The following RAB3IL1 variants were observed in gnomAD, a reference collection of about 807,000 sequenced individuals.
The protein encoded by RAB3IL1 is guanine nucleotide exchange factor for Rab-3A.
A neutral mutation model predicts 49.2 loss-of-function variants in RAB3IL1; 37 were observed. The observed-to-expected ratio is 0.75, with a 90% CI of 0.58 to 0.99. The LOEUF is 0.99. RAB3IL1 is among the 50% of genes least tolerant of loss of function. The pLI is 0.00. For missense variants in RAB3IL1, 484 were observed against 513.0 expected, an observed-to-expected ratio of 0.94 and a Z score of 0.55; for synonymous variants, 193 against 213.9, an observed-to-expected ratio of 0.90 and a Z score of 0.85.
At chr11:61,907,979 C>T in intron 2 of RAB3IL1, 75 bp downstream of exon 2, 1 of 1,533,618 alleles carries the variant, frequency 6.5e-7, no homozygotes, top group Non-Finnish European at 8.8e-7. Flanking sequence ...TCTCTGGGCA[C>T]CTGATGAGAG....
chr11:61,915,320 G>T (rs528867627), intron 1 of RAB3IL1, among the ~76,000 whole-genome samples: 1 of 152,206 alleles, frequency 6.6e-6, no homozygotes, highest in South Asian at 2.1e-4. Context: ...GTGGGGAGGG[G>T]TCCCTGCCCA....
chr11:61,927,931 G>A, the RAB3IL1 span, among the ~76,000 whole-genome samples: 2 of 152,140 alleles, frequency 1.3e-5, no homozygotes, highest in Non-Finnish European at 2.9e-5. Flanking sequence ...CCAGCGTTGA[G>A]TAGTTCTTAT....
the RAB3IL1 span, among the ~76,000 whole-genome samples, chr11:61,943,692 C>T: frequency 6.6e-6 from 1 of 152,134 alleles, no homozygotes; most frequent in East Asian, 1.9e-4. Context: ...GATAAACAAA[C>T]AGCCAATAAG....
chr11:61,902,852 C>G (rs1325891131), intron 7 of RAB3IL1, among the ~76,000 whole-genome samples: 1 of 152,106 alleles, frequency 6.6e-6, no homozygotes, highest in Non-Finnish European at 1.5e-5. Flanking sequence ...CTGCATATGC[C>G]TCTCCCTCTA....
chr11:61,923,954 C>G (rs1939955321), upstream of RAB3IL1, among the ~76,000 whole-genome samples: 1 of 152,190 alleles, frequency 6.6e-6, no homozygotes, highest in African/African-American at 2.4e-5. Flanking sequence ...AGGCCCAGGC[C>G]CCTCAGGGAA....
chr11:61,909,305 C>T (rs983862612), intron 1 of RAB3IL1, among the ~76,000 whole-genome samples: 1 of 152,052 alleles, frequency 6.6e-6, no homozygotes. Context: ...GGACTCAGGA[C>T]GGCTGAGGCA....
intron 8 of RAB3IL1, among the ~76,000 whole-genome samples, chr11:61,900,655 C>T (rs573787354): frequency 8.5e-5 from 13 of 152,264 alleles, no homozygotes; most frequent in African/African-American, 3.1e-4. Context: ...GGGGCTTTCC[C>T]TCTCCAGGGA....
the RAB3IL1 span, among the ~76,000 whole-genome samples, chr11:61,929,291 G>C: frequency 6.6e-6 from 1 of 152,078 alleles, no homozygotes; most frequent in Non-Finnish European, 1.5e-5. Flanking sequence ...GATCGCTTGA[G>C]CCCAGGAGTT....
the RAB3IL1 span, among the ~76,000 whole-genome samples, chr11:61,943,848 C>T: frequency 2.0e-5 from 3 of 152,078 alleles, no homozygotes; most frequent in Middle Eastern, 3.2e-3. Context: ...GTGAATTTTA[C>T]AGGACACGGA....
chr11:61,901,305 C>G (rs1440058844), intron 8 of RAB3IL1, among the ~76,000 whole-genome samples: 1 of 152,216 alleles, frequency 6.6e-6, no homozygotes, highest in Non-Finnish European at 1.5e-5. Context: ...TCCCTGTCCT[C>G]AATCCCCAGC....
rs781070983 is a variant in RAB3IL1 at position 61,899,350 on chromosome 11, T to C, written c.1030A>G (p.Ile344Val). 3.7e-6 allele frequency: 6 copies of C among 1,608,986 alleles called. No homozygotes were observed. The African/African-American group carries it at 4.0e-5, about 11-fold the overall frequency. Residue 344 changes from isoleucine to valine, a missense_variant, in exon 9 of 10, where the codon ATC becomes GTC. Transcript: ENST00000394836. ...ACCAGGCCTTGCTGGATGTAGCGGA[T>C]GTAGGTGAAGAAGTTGCACACTGCG... Reference protein sequence around the residue: ...ITAVCNFFTYIRYIQQGLVRQ... With the variant: ...ITAVCNFFTYVRYIQQGLVRQ...
At chr11:61,917,223 C>G in intron 1 of RAB3IL1, 134 bp downstream of exon 1, 1 of 1,255,360 alleles carries the variant, frequency 8.0e-7, no homozygotes, top group Non-Finnish European at 1.0e-6. Context: ...GTCGGCTCGC[C>G]TGCAGGCAGG....
At chr11:61,937,650 G>A in the RAB3IL1 span, among the ~76,000 whole-genome samples, 1 of 151,156 alleles carries the variant, frequency 6.6e-6, no homozygotes, top group Non-Finnish European at 1.5e-5. Context: ...TAAAAGAAAA[G>A]AAAAGAAGGG....
chr11:61,941,416 T>A, the RAB3IL1 span, among the ~76,000 whole-genome samples: 1 of 152,178 alleles, frequency 6.6e-6, no homozygotes, highest in Non-Finnish European at 1.5e-5. Flanking sequence ...TGTGCCAGTA[T>A]TATCCTAAAA....
the RAB3IL1 span, among the ~76,000 whole-genome samples, chr11:61,943,319 T>A: frequency 6.6e-6 from 1 of 152,120 alleles, no homozygotes; most frequent in Non-Finnish European, 1.5e-5. Flanking sequence ...TTACCTCAAA[T>A]GATACATAAA....
chr11:61,904,085 C>A (rs889406554), intron 7 of RAB3IL1, among the ~76,000 whole-genome samples: 1 of 151,884 alleles, frequency 6.6e-6, no homozygotes, highest in Non-Finnish European at 1.5e-5. Flanking sequence ...TGCTCCCTCT[C>A]CGTGATGAGC....
intron 7 of RAB3IL1, among the ~76,000 whole-genome samples, chr11:61,902,762 A>G (rs1938986053): frequency 6.6e-6 from 1 of 152,182 alleles, no homozygotes; most frequent in South Asian, 2.1e-4. Flanking sequence ...GTACCCCTAG[A>G]ACCCTTGTTT....
At chr11:61,907,709 G>A (rs1418134256) in intron 2 of RAB3IL1, 49 bp from the exon 3 acceptor site, 3 of 1,549,616 alleles carry the variant, frequency 1.9e-6, no homozygotes, top group Non-Finnish European at 2.7e-6. Context: ...CCCCAGGCCT[G>A]GCACGGGAGG....
the RAB3IL1 span, among the ~76,000 whole-genome samples, chr11:61,939,899 A>C: frequency 1.3e-5 from 2 of 151,864 alleles, no homozygotes; most frequent in African/African-American, 4.8e-5. Flanking sequence ...TTGAGGCTGC[A>C]GTGAACTATG....
Sources: allele counts gnomAD v4.1 joint callset (sites outside exome capture counted in the v4.1 genomes callset), GRCh38; gene constraint gnomAD v4.1.1; transcripts MANE v1.5; gene names NCBI Gene and HGNC (gene_info 2026-07-23, HGNC 2026-07-21).